The following TJP2 variants were observed in gnomAD, a reference collection of about 807,000 sequenced individuals.
TJP2 encodes the protein tight junction protein 2, also known as Friedreich ataxia region gene X104 (tight junction protein ZO-2).
In TJP2, 91 loss-of-function variants were observed where a neutral mutation model predicts 133.1. The observed-to-expected ratio is 0.68, with a 90% CI of 0.58 to 0.81. TJP2 has a LOEUF of 0.81. TJP2 is among the 40% of genes least tolerant of loss of function. The pLI, the probability that TJP2 is intolerant of heterozygous loss-of-function variation, is 0.00. For synonymous variants in TJP2, 592 were observed against 583.4 expected, an observed-to-expected ratio of 1.01 and a Z score of -0.21; for missense variants, 1,541 against 1,565.6, an observed-to-expected ratio of 0.98 and a Z score of 0.26.
chr9:69,151,871 C>G, intron 2 of TJP2: 1 of 1,162,244 alleles, frequency 8.6e-7, no homozygotes, highest in Non-Finnish European at 1.1e-6. Context: ...GTCAGAGTTA[C>G]CATTTTTGAT....
intron 1 of TJP2, among the ~76,000 whole-genome samples, chr9:69,196,938 TGTGTGTGTACAC>T (rs1376351476): frequency 3.4e-5 from 2 of 58,998 alleles, no homozygotes; most frequent in Admixed American, 2.4e-4. Flanking sequence ...TGTGTGTGTG[TGTGTGTGTACAC>T]ACACACACAC....
rs150041833 is a variant in TJP2 at position 69,146,994 on chromosome 9, C to T, written c.-130-4657C>T. ...GCTTTAGAATGGAATTCTGAGGCAA[C>T]ATTTTAATTATATTATTGTTATTCT... is the stretch of plus-strand genomic sequence containing the variant. On this transcript the variant is annotated intron_variant, in intron 1 of 5. Coordinates refer to the TJP2 transcript ENST00000423935. Among the ~76,000 whole-genome samples the T allele has an allele frequency of 4.1e-3, 618 of 152,214 alleles. 5 individuals are homozygous for T. Among genetic ancestry groups the T allele is most frequent in the African/African-American group, 0.013 (558 of 41,534 alleles).
At chr9:69,240,449 A>G (rs138715265) in intron 17 of TJP2, among the ~76,000 whole-genome samples, 28 of 152,326 alleles carry the variant, frequency 1.8e-4, no homozygotes, top group African/African-American at 5.1e-4. Flanking sequence ...CCAAACACCT[A>G]TGTCTCTCTA....
intron 22 of TJP2, chr9:69,253,939 G>C: frequency 2.0e-6 from 1 of 502,294 alleles, no homozygotes; most frequent in Non-Finnish European, 3.7e-6. Context: ...GAGCTTAGGG[G>C]TAAGGAGGGC....
intron 2 of TJP2, among the ~76,000 whole-genome samples, chr9:69,155,637 C>T (rs565812704): frequency 3.3e-5 from 5 of 152,346 alleles, no homozygotes; most frequent in Admixed American, 2.0e-4. Flanking sequence ...TGGCCAGTTT[C>T]TCTATCTGTG....
chr9:69,155,013 T>C (rs1823671643), intron 2 of TJP2, among the ~76,000 whole-genome samples: 1 of 150,380 alleles, frequency 6.6e-6, no homozygotes, highest in Admixed American at 6.6e-5. Flanking sequence ...AGGTCAGGAG[T>C]TCCAGACCAG....
chr9:69,242,316 T>C (rs1285751422), intron 17 of TJP2, among the ~76,000 whole-genome samples: 1 of 152,202 alleles, frequency 6.6e-6, no homozygotes, highest in Non-Finnish European at 1.5e-5. Flanking sequence ...TTCAAGATCC[T>C]TGAAGGCAGA....
chr9:69,135,270 A>G (rs559344974), intron 1 of TJP2, among the ~76,000 whole-genome samples: 3 of 152,350 alleles, frequency 2.0e-5, no homozygotes, highest in Admixed American at 6.5e-5. Context: ...TTTTGCATAT[A>G]GTCATTAAAA....
At chr9:69,185,450 G>A (rs938468359) in intron 1 of TJP2, among the ~76,000 whole-genome samples, 2 of 152,164 alleles carry the variant, frequency 1.3e-5, no homozygotes, top group Non-Finnish European at 2.9e-5. Flanking sequence ...ATAAGGTGTT[G>A]TTTTTCTGGA....
intron 1 of TJP2, among the ~76,000 whole-genome samples, chr9:69,211,687 T>G (rs1001134810): frequency 6.6e-6 from 1 of 152,226 alleles, no homozygotes; most frequent in African/African-American, 2.4e-5. Flanking sequence ...AATACAGGTC[T>G]GTTGATAGAA....
Position 69,221,306 on chromosome 9 carries a change from C to G in TJP2, c.762C>G (p.His254Gln), listed in dbSNP as rs1293972903. The change falls in exon 5 of 23, where the codon CAC (histidine) becomes CAG (glutamine). Residue 254 changes from histidine to glutamine, a missense_variant. His to Gln is a conservative substitution (Grantham distance 24). Coordinates refer to ENST00000377245, the MANE Select transcript of TJP2 (RefSeq NM_004817.4). ...ACCAGGACTACGAGCGAGCCTATCA[C>G]CGGGCCTACGACCCAGACTACGAGC... ...SIDQDYERAY[H>Q]RAYDPDYERA... 6.2e-7 allele frequency: 1 copy of G among 1,605,458 alleles called. No individual in the cohort carries two copies. Among genetic ancestry groups the G allele is most frequent in the Admixed American group, 1.7e-5 (1 of 59,154 alleles).
chr9:69,249,387 C>G lies in TJP2; in HGVS notation c.2893C>G (p.Pro965Ala). ...TTATGTCTTGTAGAGCATAAGGAAA[C>G]CCAGCCCAGAGCCACGAGCTCAGAT... is the stretch of plus-strand genomic sequence containing the variant. ...PVQHEESIRKPSPEPRAQMRR... is the reference protein window; with the variant it reads ...PVQHEESIRKASPEPRAQMRR... Residue 965 changes from proline to alanine, a missense_variant, in exon 20 of 23, where the codon CCC becomes GCC. Physicochemically the swap from Pro to Ala is conservative, Grantham distance 27. Transcript: ENST00000377245. 1 of 1,609,918 alleles carries G rather than the reference C, an allele frequency of 6.2e-7. No homozygotes were observed. Among genetic ancestry groups the G allele is most frequent in the Non-Finnish European group, 8.5e-7 (1 of 1,177,862 alleles).
intron 11 of TJP2, among the ~76,000 whole-genome samples, chr9:69,233,856 C>G (rs1170983680): frequency 6.6e-6 from 1 of 152,012 alleles, no homozygotes; most frequent in Non-Finnish European, 1.5e-5. Context: ...TGCTTTGTAA[C>G]TGTAAGGCTG....
Position 69,225,431 on chromosome 9 carries a change from G to A in TJP2, c.1056+24G>A, listed in dbSNP as rs773679515. 1.9e-5 allele frequency: 28 copies of A among 1,507,150 alleles called. No homozygotes were observed. Among genetic ancestry groups the A allele is most frequent in the Middle Eastern group, 1.7e-4 (1 of 5,862 alleles). The allele number at this position is 1,507,150 out of a possible 1,614,324, so 93.4% of individuals were successfully genotyped here. The stretch of plus-strand genomic sequence containing the variant: ...AGGTGGGTAGATGGGGGCAGAGAAC[G>A]GTAGTGTGCATACTGCCGTTCATCG... On this transcript the variant is annotated intron_variant, in intron 6 of 22. Coordinates refer to ENST00000377245, the MANE Select transcript of TJP2 (RefSeq NM_004817.4).
At chr9:69,220,757 GGAACCT>G (rs777179466) in intron 4 of TJP2, 124 bp from the exon 5 acceptor site, 111 of 849,428 alleles carry the variant, frequency 1.3e-4, no homozygotes, top group Non-Finnish European at 2.1e-4. Context: ...TTCCGGATGA[GGAACCT>G]GAACCTTAGT....
intron 1 of TJP2, chr9:69,145,639 T>A: frequency 1.0e-6 from 1 of 981,298 alleles, no homozygotes; most frequent in Non-Finnish European, 1.3e-6. Flanking sequence ...CCATTAAAGA[T>A]TAGTTCAGTT....
Position 69,156,375 on chromosome 9 carries a change from A to C in TJP2, c.-10+4604A>C, listed in dbSNP as rs1480716501. ...AGACTCTGTCCCAAAAAAAAAGAAA[A>C]ATTTAGAAAGTTTATTTTGCCAAGG... On this transcript the variant is annotated intron_variant, in intron 2 of 5. Transcript: ENST00000423935. Among the ~76,000 whole-genome samples the C allele has an allele frequency of 4.6e-5, 7 of 152,072 alleles. 1 individual carries two copies. Among genetic ancestry groups the C allele is most frequent in the African/African-American group, 1.4e-4 (6 of 41,394 alleles).
At chr9:69,173,967 G>A (rs1338017323), upstream of TJP2, 89 of 985,182 alleles carry the variant, frequency 9.0e-5, no homozygotes, top group Non-Finnish European at 1.0e-4. Flanking sequence ...GGGTGGAGGG[G>A]TGCAGGCGTG....
At chr9:69,123,122 G>A (rs1204451739) in intron 1 of TJP2, among the ~76,000 whole-genome samples, 1 of 152,136 alleles carries the variant, frequency 6.6e-6, no homozygotes, top group Non-Finnish European at 1.5e-5. Flanking sequence ...AGGTATGTTG[G>A]AGTGAAGTTT....
Sources: gnomAD v4.1 joint callset for allele counts (sites outside exome capture counted in the v4.1 genomes callset) on GRCh38, gnomAD v4.1.1 for gene constraint, MANE v1.5 for transcripts, NCBI Gene and HGNC (gene_info 2026-07-23, HGNC 2026-07-21) for gene names.